Variants in CSF3R observed in about 807,000 individuals in gnomAD.
The protein encoded by CSF3R is granulocyte colony-stimulating factor receptor.
CSF3R carries 52 observed loss-of-function variants against 84.4 expected under a neutral mutation model. The observed-to-expected ratio is 0.62, with a 90% CI of 0.49 to 0.78. The LOEUF is 0.78. Among genes scored for constraint, CSF3R ranks in the 30% least tolerant of loss-of-function variants. The probability of loss-of-function intolerance (pLI) is 0.00; values close to 1 mark genes in which losing one functional copy is unlikely to be tolerated. For missense variants in CSF3R, 890 were observed against 1,055.7 expected (o/e 0.84, Z 2.17); for synonymous variants, 384 against 429.1 (o/e 0.89, Z 1.30).
In CSF3R at chr1:36,472,066, C is replaced by G; in HGVS notation, c.1071G>C (p.Lys357Asn). 1.9e-6 allele frequency: 3 copies of G among 1,613,386 alleles called. No homozygotes were observed. Among genetic ancestry groups the G allele is most frequent in the Non-Finnish European group, 2.5e-6 (3 of 1,179,996 alleles). ...LDPRTVQLFWKPVPLEEDSGR... is the reference protein window; with the variant it reads ...LDPRTVQLFWNPVPLEEDSGR... Reference sequence around the variant, plus strand: ...AGGGATGGCCTTCAGAGGGAGTCACCTTCCAGAACAGCTGCACTGTCCTGG... The same window carrying G: ...AGGGATGGCCTTCAGAGGGAGTCACGTTCCAGAACAGCTGCACTGTCCTGG... Residue 357 changes from lysine (K) to asparagine (N), a missense_variant and splice_region_variant, in exon 9 of 17, where the codon AAG becomes AAC. Lys to Asn is a moderately conservative substitution (Grantham distance 94). Coordinates refer to ENST00000373106, the MANE Select transcript of CSF3R (RefSeq NM_000760.4). This position sits in a 1 kb window ranked among gnomAD's most constrained non-coding sequence, Gnocchi z 5.0.
rs1348822018 is a variant in CSF3R, at chr1:36,473,868, G to A, written c.381C>T (p.His127=). 1.2e-6 allele frequency: 2 copies of A among 1,614,130 alleles called. No homozygotes were observed. The highest frequency in any genetic ancestry group is 2.7e-5 in the African/African-American group (2 of 74,956). The change falls in exon 5 of 17, where the codon CAC becomes CAT. Residue 127 remains histidine, a synonymous_variant. Coordinates refer to ENST00000373106, the MANE Select transcript of CSF3R (RefSeq NM_000760.4). The part of the protein sequence containing the change: ...LRAGYPPAIP[H]NLSCLMNLTT... Reference sequence around the variant, plus strand: ...TGAGGTTCATGAGGCAGGAGAGGTTGTGGGGTATGGCTGGAGGGTCTGCAT... The same window carrying A: ...TGAGGTTCATGAGGCAGGAGAGGTTATGGGGTATGGCTGGAGGGTCTGCAT...
chr1:36,469,775 G>T lies in CSF3R; in HGVS notation c.1351C>A (p.Pro451Thr). 6.2e-7 allele frequency: 1 copy of T among 1,614,168 alleles called. No individual in the cohort carries two copies. The highest frequency in any genetic ancestry group is 8.5e-7 in the Non-Finnish European group (1 of 1,180,036). ...DPHSLWVGWE[P>T]PNPWPQGYVI... ...TAGCCCTGAGGCCATGGATTGGGGGGCTCCCAGCCTACCCAGAGGCTGTGA... is the reference window on the plus strand; with the variant it reads ...TAGCCCTGAGGCCATGGATTGGGGGTCTCCCAGCCTACCCAGAGGCTGTGA... The change falls in exon 11 of 17, where the codon CCC becomes ACC. Residue 451 changes from proline to threonine, a missense_variant. Coordinates refer to ENST00000373106, the MANE Select transcript of CSF3R (RefSeq NM_000760.4).
chr1:36,479,562 G>A (rs1369625751), intron 2 of CSF3R, 46 bp from the exon 3 acceptor site: 5 of 1,428,356 alleles, frequency 3.5e-6, no homozygotes, highest in South Asian at 2.3e-5. Context: ...TGGAGTCAGA[G>A]CTGATCTTAA....
intron 12 of CSF3R, 45 bp downstream of exon 12, chr1:36,469,109 GGA>G (rs1239879978): frequency 3.6e-6 from 5 of 1,376,418 alleles, no homozygotes; most frequent in Non-Finnish European, 5.2e-6. Context: ...CAGAGCCTTG[GGA>G]GAGAGAGGAG....
At chr1:36,479,915 A>G (rs1651411558) in intron 2 of CSF3R, 1 of 340,150 alleles carries the variant, frequency 2.9e-6, no homozygotes, top group South Asian at 2.4e-5. Context: ...CTAGCAGCAG[A>G]TAAGGGACTG....
In CSF3R at chr1:36,469,929, A is replaced by G. The variant is rs991297891; in HGVS notation, c.1286-89T>C. On this transcript the variant is annotated intron_variant, in intron 10 of 16. Transcript: ENST00000373106. ...CCTGGGTTCAAATCCTGGCTTTGCT[A>G]TTTACAGGCTGGGTGACCTTTGGTA... 8 of 1,418,330 alleles carry G rather than the reference A, an allele frequency of 5.6e-6. No individual in the cohort carries two copies. In the Admixed American group the frequency reaches 5.8e-5, roughly 10 times the overall value. 87.9% of individuals were successfully genotyped at this position (1,418,330 alleles called of 1,614,324 possible).
At chr1:36,477,834 C>T (rs574751583) in intron 3 of CSF3R, among the ~76,000 whole-genome samples, 1 of 152,120 alleles carries the variant, frequency 6.6e-6, no homozygotes, top group South Asian at 2.1e-4. Context: ...TCTCGGCTTA[C>T]TGCAAGCGCC....
chr1:36,472,666 G>T lies in CSF3R; in HGVS notation c.694C>A (p.Leu232Met). Residue 232 changes from leucine to methionine, a missense_variant, in exon 7 of 17, where the codon CTG becomes ATG. Transcript: ENST00000373106. This position sits in a 1 kb window ranked among gnomAD's most constrained non-coding sequence, Gnocchi z 5.0. The stretch of plus-strand genomic sequence containing the variant: ...TCAGGGCTGGGGTCCATGGTCCGCA[G>T]CATGGGGGGCTCCAGTTTCACTGCA... The part of the protein sequence containing the change: ...MDVVKLEPPM[L>M]RTMDPSPEAA... 6.2e-7 allele frequency: 1 copy of T among 1,602,580 alleles called. No homozygotes were observed. The highest frequency in any genetic ancestry group is 8.5e-7 in the Non-Finnish European group (1 of 1,172,980).
rs755553618 is a variant in CSF3R at position 36,466,605 on chromosome 1, G to C, written c.2263C>G (p.Leu755Val). ...CCTGGGCTTGTGGGGCTGCCCAGCA[G>C]CTGCCCATAAAGGACCTGATCGCTG... ...GTSDQVLYGQ[L>V]LGSPTSPGPG... The change falls in exon 17 of 17, where the codon CTG becomes GTG. Residue 755 changes from leucine to valine, a missense_variant. Transcript: ENST00000373106. This position sits in a 1 kb window ranked among gnomAD's most constrained non-coding sequence, Gnocchi z 4.6. 1 of 1,613,454 alleles carries C rather than the reference G, an allele frequency of 6.2e-7. No homozygotes were observed. The highest frequency in any genetic ancestry group is 8.5e-7 in the Non-Finnish European group (1 of 1,179,532).
Position 36,475,416 on chromosome 1 carries a change from T to C in CSF3R, c.322A>G (p.Ser108Gly), listed in dbSNP as rs149231790. Reference protein sequence around the residue: ...FLSCCLNWGNSLQILDQVELR... With the variant: ...FLSCCLNWGNGLQILDQVELR... ...TCAACCTGGTCCAGGATCTGCAGGC[T>C]GTTGCCCCAGTTCAGGCAGCAGGAG... Residue 108 changes from serine to glycine, a missense_variant, in exon 4 of 17, where the codon AGC (serine) becomes GGC (glycine). Ser to Gly is a moderately conservative substitution (Grantham distance 56). Transcript: ENST00000373106. 2.2e-5 allele frequency: 36 copies of C among 1,614,044 alleles called. No homozygotes were observed. The highest frequency in any genetic ancestry group is 3.0e-5 in the Non-Finnish European group (35 of 1,180,042).
At chr1:36,479,004 T>C (rs1651354209) in intron 3 of CSF3R, 1 of 317,278 alleles carries the variant, frequency 3.2e-6, no homozygotes, top group Non-Finnish European at 6.2e-6. Context: ...CCCCTGGGGA[T>C]GGGAAGTTCT....
In CSF3R at chr1:36,472,764, G is replaced by C; in HGVS notation, c.674-78C>G. 7.0e-7 allele frequency: 1 copy of C among 1,436,360 alleles called. No individual in the cohort carries two copies. The highest frequency in any genetic ancestry group is 9.2e-7 in the Non-Finnish European group (1 of 1,084,106). The allele number at this position is 1,436,360 out of a possible 1,614,324, so 89.0% of individuals were successfully genotyped here. A position where few individuals can be genotyped will look rare whatever the true frequency, so the allele number is the denominator to read the frequency against. On this transcript the variant is annotated intron_variant, in intron 6 of 16. Coordinates refer to ENST00000373106, the MANE Select transcript of CSF3R (RefSeq NM_000760.4). The surrounding 1 kb of genome is among the most constrained non-coding windows in gnomAD (Gnocchi z 5.0). ...TGCCTTAGCTCCCTCTTGTCTCCCT[G>C]TCTGTGGTTCACCATCTGTCCACGT...
chr1:36,474,616 A>G (rs1374942227), intron 4 of CSF3R, among the ~76,000 whole-genome samples: 2 of 151,938 alleles, frequency 1.3e-5, no homozygotes, highest in Admixed American at 6.6e-5. Flanking sequence ...CACCTGGCCC[A>G]TTACTGATTC....
At chr1:36,480,411 C>T (rs933512017) in intron 2 of CSF3R, among the ~76,000 whole-genome samples, 1 of 152,244 alleles carries the variant, frequency 6.6e-6, no homozygotes, top group African/African-American at 2.4e-5. Context: ...TGGTGGCCTT[C>T]TGGGGTCAGG....
At position 36,466,840 on chromosome 1, in the gene CSF3R, A is replaced by G; in HGVS notation, c.2041-13T>C. The G allele has an allele frequency of 6.2e-7, 1 of 1,614,104 alleles. No homozygotes were observed. The highest frequency in any genetic ancestry group is 8.5e-7 in the Non-Finnish European group (1 of 1,179,982). On this transcript the variant is annotated splice_polypyrimidine_tract_variant and intron_variant, in intron 16 of 16. Transcript: ENST00000373106. The surrounding 1 kb of genome is among the most constrained non-coding windows in gnomAD (Gnocchi z 4.6). ...GCTGGAAGGCATCCTGCACACAAGGATGTGGGGTGAGAGCACGGCTCATTT... is the reference window on the plus strand; with the variant it reads ...GCTGGAAGGCATCCTGCACACAAGGGTGTGGGGTGAGAGCACGGCTCATTT...
chr1:36,480,574 C>A (rs970932000), intron 2 of CSF3R, among the ~76,000 whole-genome samples: 2 of 152,234 alleles, frequency 1.3e-5, no homozygotes, highest in Non-Finnish European at 1.5e-5. Flanking sequence ...GATCCTCCAG[C>A]ACGAGTTGGT....
Position 36,466,841 on chromosome 1 carries a change from T to G in CSF3R, c.2041-14A>C. 6.2e-7 allele frequency: 1 copy of G among 1,614,006 alleles called. No homozygotes were observed. The highest frequency in any genetic ancestry group is 8.5e-7 in the Non-Finnish European group (1 of 1,179,970). Reference sequence around the variant, plus strand: ...CTGGAAGGCATCCTGCACACAAGGATGTGGGGTGAGAGCACGGCTCATTTC... The same window carrying G: ...CTGGAAGGCATCCTGCACACAAGGAGGTGGGGTGAGAGCACGGCTCATTTC... On this transcript the variant is annotated splice_polypyrimidine_tract_variant and intron_variant, in intron 16 of 16. Coordinates refer to ENST00000373106, the MANE Select transcript of CSF3R (RefSeq NM_000760.4). The surrounding 1 kb of genome is among the most constrained non-coding windows in gnomAD (Gnocchi z 4.6).
intron 10 of CSF3R, 29 bp from the exon 11 acceptor site, chr1:36,469,869 G>T: frequency 6.2e-7 from 1 of 1,611,628 alleles, no homozygotes; most frequent in Non-Finnish European, 8.5e-7. Flanking sequence ...ATGGTGGAAT[G>T]AAGGTGAAAA....
At chr1:36,474,607 A>G (rs3917961) in intron 4 of CSF3R, among the ~76,000 whole-genome samples, 3,700 of 151,802 alleles carry the variant, frequency 0.024, 119 homozygotes, top group African/African-American at 0.08. Context: ...GAGCCACTGC[A>G]CCTGGCCCAT....
Sources: allele counts gnomAD v4.1 joint callset (sites outside exome capture counted in the v4.1 genomes callset), GRCh38; gene constraint gnomAD v4.1.1; non-coding constraint Gnocchi (gnomAD v3.1); transcripts MANE v1.5; gene names NCBI Gene and HGNC (gene_info 2026-07-23, HGNC 2026-07-21).